Variants in NCAM2 observed in about 807,000 individuals in gnomAD.
NCAM2 encodes the protein N-CAM-2.
In NCAM2, 30 loss-of-function variants were observed where a neutral mutation model predicts 98.1. The observed-to-expected ratio is 0.31, with a 90% CI of 0.23 to 0.41. The LOEUF (loss-of-function observed/expected upper bound fraction) is 0.41. NCAM2 is among the 10% of genes least tolerant of loss of function. The probability of loss-of-function intolerance (pLI) is 1.00; values close to 1 mark genes in which losing one functional copy is unlikely to be tolerated. For missense variants in NCAM2, 867 were observed against 1,005.8 expected (o/e 0.86, Z 1.87); for synonymous variants, 368 against 342.4 (o/e 1.07, Z -0.83).
chr21:21,400,197 A>G lies in NCAM2; in HGVS notation c.1196-10077A>G, dbSNP rs80123283. ...AGGTGACACATTCAGATGCTGGCATATGTTACTGTTTCATGTGATGCTGGC... is the reference window on the plus strand; with the variant it reads ...AGGTGACACATTCAGATGCTGGCATGTGTTACTGTTTCATGTGATGCTGGC... On this transcript the variant is annotated intron_variant, in intron 9 of 17. Transcript: ENST00000400546. 5.9e-3 allele frequency among the ~76,000 whole-genome samples: 891 copies of G among 152,260 alleles called. 13 individuals are homozygous for G. The highest frequency in any genetic ancestry group is 0.02 in the African/African-American group (821 of 41,542).
intron 7 of NCAM2, among the ~76,000 whole-genome samples, chr21:21,336,525 C>A (rs148211580): frequency 6.6e-6 from 1 of 151,890 alleles, no homozygotes; most frequent in African/African-American, 2.4e-5. Context: ...TGTAACTAAC[C>A]TGCACGTTGT....
intron 8 of NCAM2, among the ~76,000 whole-genome samples, chr21:21,341,464 T>C (rs1413674581): frequency 1.3e-5 from 2 of 152,132 alleles, no homozygotes; most frequent in African/African-American, 4.8e-5. Flanking sequence ...AAAATGATCT[T>C]AACCAATTAG....
intron 6 of NCAM2, among the ~76,000 whole-genome samples, chr21:21,331,421 A>T (rs1437859168): frequency 7.4e-6 from 1 of 135,328 alleles, no homozygotes; most frequent in Non-Finnish European, 1.6e-5. Context: ...TACAGGAGTG[A>T]GCCACTGTGC....
At chr21:21,132,778 A>G (rs896727899) in intron 1 of NCAM2, among the ~76,000 whole-genome samples, 1 of 150,532 alleles carries the variant, frequency 6.6e-6, no homozygotes, top group African/African-American at 2.5e-5. Flanking sequence ...AGACAAGAAC[A>G]TAAGCTTAAA....
intron 1 of NCAM2, among the ~76,000 whole-genome samples, chr21:21,035,127 A>G (rs2064771230): frequency 6.6e-6 from 1 of 152,170 alleles, no homozygotes. Flanking sequence ...TTATAAGGGA[A>G]TTGTATAAAC....
At chr21:21,141,500 T>A (rs2067167752) in intron 1 of NCAM2, among the ~76,000 whole-genome samples, 1 of 152,252 alleles carries the variant, frequency 6.6e-6, no homozygotes, top group Non-Finnish European at 1.5e-5. Flanking sequence ...TGTTGGATTT[T>A]TCCTATCAAT....
chr21:21,357,023 A>AAATAAATAAATAAATAAATAAATG (rs548233793), intron 8 of NCAM2, among the ~76,000 whole-genome samples: 1 of 146,602 alleles, frequency 6.8e-6, no homozygotes, highest in African/African-American at 2.5e-5. Context: ...ATAAATAAAT[A>AAATAAATAAATAAATAAATAAATG]AATGTTTCTT....
chr21:21,132,991 C>T (rs7279596), intron 1 of NCAM2, among the ~76,000 whole-genome samples: 65,257 of 151,600 alleles, frequency 0.43, 14,603 homozygotes, highest in African/African-American at 0.56. Flanking sequence ...TATAATCATA[C>T]GTGTTTTTAT....
At chr21:21,083,515 G>A (rs111666988) in intron 1 of NCAM2, among the ~76,000 whole-genome samples, 2,542 of 151,290 alleles carry the variant, frequency 0.017, 69 homozygotes, top group African/African-American at 0.056. Flanking sequence ...CTGCCTCCCC[G>A]TGATCCTCCC....
intron 1 of NCAM2, among the ~76,000 whole-genome samples, chr21:21,205,615 G>T (rs1763497237): frequency 1.3e-5 from 2 of 152,178 alleles, no homozygotes; most frequent in South Asian, 4.2e-4. Context: ...CTATTTAGAA[G>T]AAATATCCAG....
intron 16 of NCAM2, among the ~76,000 whole-genome samples, chr21:21,511,587 A>T (rs233787): frequency 0.78 from 118,603 of 151,178 alleles, 47,017 homozygotes; most frequent in East Asian, 0.88. Flanking sequence ...TGATTTTTTT[A>T]AAAATTTTTG....
chr21:21,174,253 C>T (rs2068214216), intron 1 of NCAM2, among the ~76,000 whole-genome samples: 1 of 152,076 alleles, frequency 6.6e-6, no homozygotes, highest in Admixed American at 6.5e-5. Context: ...AGTCAGCCAT[C>T]CATTCCTTTG....
intron 5 of NCAM2, among the ~76,000 whole-genome samples, chr21:21,298,297 C>T (rs2073567454): frequency 1.3e-5 from 2 of 151,582 alleles, no homozygotes; most frequent in South Asian, 4.1e-4. Context: ...ATCAACCATG[C>T]AGACAGCTAT....
At chr21:21,469,277 C>T (rs747130348) in intron 14 of NCAM2, among the ~76,000 whole-genome samples, 3 of 151,914 alleles carry the variant, frequency 2.0e-5, no homozygotes, top group Non-Finnish European at 4.4e-5. Context: ...TAGCACTATC[C>T]AGTAAGGATG....
intron 1 of NCAM2, among the ~76,000 whole-genome samples, chr21:21,025,329 C>T (rs1416365546): frequency 6.6e-5 from 10 of 152,130 alleles, no homozygotes; most frequent in Admixed American, 5.9e-4. Context: ...TCGTGGCCTG[C>T]CCACCTAGGC....
intron 6 of NCAM2, among the ~76,000 whole-genome samples, chr21:21,327,530 T>G (rs2074552014): frequency 6.6e-6 from 1 of 152,108 alleles, no homozygotes; most frequent in African/African-American, 2.4e-5. Context: ...TGAGTATAAT[T>G]TATAGAAACC....
chr21:21,296,969 T>C (rs183520066), intron 5 of NCAM2, among the ~76,000 whole-genome samples: 1 of 151,792 alleles, frequency 6.6e-6, no homozygotes, highest in Non-Finnish European at 1.5e-5. Flanking sequence ...CTGTGTTAAA[T>C]TCAGATTACA....
chr21:21,246,199 T>C (rs949594163), intron 1 of NCAM2, among the ~76,000 whole-genome samples: 4 of 152,150 alleles, frequency 2.6e-5, no homozygotes, highest in African/African-American at 4.8e-5. Flanking sequence ...TTGAGGTTTC[T>C]TACTGCCAGT....
At chr21:21,531,546 T>TC (rs1989695873) in intron 16 of NCAM2, among the ~76,000 whole-genome samples, 1 of 180 alleles carries the variant, frequency 5.6e-3, no homozygotes, top group South Asian at 0.25. Context: ...TCTGAACACC[T>TC]CCCTTAAACA....
Sources: allele counts gnomAD v4.1 joint callset (sites outside exome capture counted in the v4.1 genomes callset), GRCh38; gene constraint gnomAD v4.1.1; transcripts MANE v1.5; gene names NCBI Gene and HGNC (gene_info 2026-07-23, HGNC 2026-07-21).